YBX1: variants seen among roughly 807,000 people sequenced by gnomAD.
YBX1 encodes the protein Y-box-binding protein 1.
Under a neutral mutation model 41.4 loss-of-function variants are expected in YBX1, and 3 were observed. That is an observed-to-expected ratio of 0.07 (90% CI 0.03 to 0.19). The LOEUF is 0.19. YBX1 is among the 10% of genes least tolerant of loss of function. The pLI is 1.00. For synonymous variants in YBX1, 133 were observed against 165.8 expected (o/e 0.80, Z 1.52); for missense variants, 274 against 462.8 (o/e 0.59, Z 3.74).
At chr1:42,685,645 A>G (rs530451607) in intron 2 of YBX1, among the ~76,000 whole-genome samples, 8 of 152,338 alleles carry the variant, frequency 5.3e-5, no homozygotes, top group Admixed American at 5.2e-4. Flanking sequence ...TGTTTTCTGT[A>G]TAAAGGAGAG....
At chr1:42,691,684 A>G (rs1253304857) in intron 2 of YBX1, among the ~76,000 whole-genome samples, 1 of 152,180 alleles carries the variant, frequency 6.6e-6, no homozygotes, top group East Asian at 1.9e-4. Flanking sequence ...AATTCTCCAC[A>G]GAAGCTGCAT....
At chr1:42,699,691 C>A (rs371868201) in intron 6 of YBX1, among the ~76,000 whole-genome samples, 391 of 151,996 alleles carry the variant, frequency 2.6e-3, no homozygotes, top group African/African-American at 9.0e-3. Context: ...AACTCCTGCC[C>A]TCAAGTGATC....
Position 42,701,047 on chromosome 1 carries a change from GT to G in YBX1, c.*31+2del, listed in dbSNP as rs1451386468. 6.2e-7 allele frequency: 1 copy of G among 1,609,048 alleles called. No individual in the cohort carries two copies. Among genetic ancestry groups the G allele is most frequent in the Non-Finnish European group, 8.5e-7 (1 of 1,175,952 alleles). ...GCTTACCATCTCTACCATCATCCGGGTAAGCAAGCTTGGATGGCCATCCATT... is the reference window on the plus strand; with the variant it reads ...GCTTACCATCTCTACCATCATCCGGGAAGCAAGCTTGGATGGCCATCCATT... On this transcript the variant is annotated splice_donor_variant, in intron 7 of 7. Coordinates refer to ENST00000321358, the MANE Select transcript of YBX1 (RefSeq NM_004559.5). LOFTEE classifies it low-confidence loss of function (3UTR_SPLICE).
intron 2 of YBX1, among the ~76,000 whole-genome samples, chr1:42,689,607 G>A (rs1422007716): frequency 6.6e-6 from 1 of 152,184 alleles, no homozygotes; most frequent in East Asian, 1.9e-4. Flanking sequence ...TAAAAGGAGT[G>A]GGAGGGGGGT....
Position 42,696,513 on chromosome 1 carries a change from C to CA in YBX1, c.355-129_355-128insA. The CA allele has an allele frequency of 3.2e-6, 2 of 624,144 alleles. No individual in the cohort carries two copies. Among genetic ancestry groups the CA allele is most frequent in the South Asian group, 2.7e-5 (1 of 37,496 alleles). 38.7% of individuals were successfully genotyped at this position (624,144 alleles called of 1,614,324 possible). On this transcript the variant is annotated intron_variant, in intron 4 of 7. Transcript: ENST00000321358. The surrounding 1 kb of genome is among the most constrained non-coding windows in gnomAD (Gnocchi z 5.7). ...TGCACCCCTGGTCACGCAGTTGCGC[C>CA]CCCCCCCCCTTTTTTTTCCTTAACT...
At chr1:42,690,845 T>C (rs2148737746) in intron 2 of YBX1, among the ~76,000 whole-genome samples, 1 of 152,360 alleles carries the variant, frequency 6.6e-6, no homozygotes, top group East Asian at 1.9e-4. Context: ...ATATTCCTTA[T>C]TTCTACATCT....
chr1:42,700,044 T>G (rs1650556043), intron 6 of YBX1, among the ~76,000 whole-genome samples: 1 of 152,150 alleles, frequency 6.6e-6, no homozygotes, highest in Non-Finnish European at 1.5e-5. Context: ...GGAGAGTTGA[T>G]TTAGAAGCCA....
intron 1 of YBX1, chr1:42,683,101 C>G (rs1415878507): frequency 1.8e-6 from 1 of 559,682 alleles, no homozygotes; most frequent in Non-Finnish European, 3.3e-6. Flanking sequence ...GAGGGCGCGG[C>G]GCACCGCCTA....
intron 2 of YBX1, among the ~76,000 whole-genome samples, chr1:42,687,941 A>G (rs372730114): frequency 1.3e-5 from 2 of 152,216 alleles, no homozygotes; most frequent in African/African-American, 4.8e-5. Context: ...GCTAAGGGAG[A>G]GATGTCGAAG....
chr1:42,694,830 C>T (rs1650420032), intron 3 of YBX1, among the ~76,000 whole-genome samples: 1 of 152,084 alleles, frequency 6.6e-6, no homozygotes, highest in Non-Finnish European at 1.5e-5. Flanking sequence ...CCTTACTCCC[C>T]TTCTGCATGT....
chr1:42,682,919 GCCTCCCGCGCCCCCTGTGGACCCCGC>G (rs1650076500), intron 1 of YBX1, 188 bp downstream of exon 1: 1 of 163,996 alleles, frequency 6.1e-6, no homozygotes, highest in Non-Finnish European at 1.2e-5. Context: ...CGCGCGCACT[GCCTCCCGCGCCCCCTGTGGACCCCGC>G]GCGGCCGCGC....
At chr1:42,700,712 G>T in intron 6 of YBX1, 69 bp from the exon 7 acceptor site, 1 of 1,430,268 alleles carries the variant, frequency 7.0e-7, no homozygotes, top group Non-Finnish European at 9.5e-7. Flanking sequence ...TGAACCAACT[G>T]GTTACACTGG....
rs746749891 is a variant in YBX1, at chr1:42,683,482, C to G, written c.230+16C>G. ...TCATCAACAGGTGAGCTGCCGGGCT[C>G]TGAAGCCTCCATCCCACCTTCTTGC... On this transcript the variant is annotated intron_variant, in intron 2 of 7. Coordinates refer to ENST00000321358, the MANE Select transcript of YBX1 (RefSeq NM_004559.5). 12 of 1,612,664 alleles carry G rather than the reference C, an allele frequency of 7.4e-6. No homozygotes were observed. In the East Asian group the frequency reaches 2.5e-4, roughly 33 times the overall value.
chr1:42,698,984 A>G (rs1650528151), intron 6 of YBX1, among the ~76,000 whole-genome samples: 1 of 152,186 alleles, frequency 6.6e-6, no homozygotes, highest in Non-Finnish European at 1.5e-5. Context: ...AAATCTTAAG[A>G]CAGAGTATAG....
intron 2 of YBX1, among the ~76,000 whole-genome samples, chr1:42,686,852 A>T (rs1239688616): frequency 6.6e-6 from 1 of 152,224 alleles, no homozygotes; most frequent in Non-Finnish European, 1.5e-5. Context: ...AGCATAGGTG[A>T]TAAGTGGCAG....
chr1:42,684,578 A>G (rs1028867744), intron 2 of YBX1, among the ~76,000 whole-genome samples: 1 of 152,214 alleles, frequency 6.6e-6, no homozygotes, highest in Non-Finnish European at 1.5e-5. Flanking sequence ...TTGTGGAAAC[A>G]CTCAGAGTAA....
chr1:42,687,491 A>G (rs1194880209), intron 2 of YBX1, among the ~76,000 whole-genome samples: 2 of 152,180 alleles, frequency 1.3e-5, no homozygotes, highest in Non-Finnish European at 2.9e-5. Flanking sequence ...CATGTTGGCC[A>G]GGCTGGTCTC....
Position 42,682,450 on chromosome 1 carries a change from AGAGCGGACCCCAGAGAGCCCT to A in YBX1, c.-111_-91del. The A allele has an allele frequency of 8.3e-7, 1 of 1,198,372 alleles. No individual in the cohort carries two copies. The highest frequency in any genetic ancestry group is 1.1e-6 in the Non-Finnish European group (1 of 935,544). The allele number at this position is 1,198,372 out of a possible 1,614,324, so 74.2% of individuals were successfully genotyped here. On this transcript the variant is annotated 5_prime_UTR_variant, in exon 1 of 8. Coordinates refer to ENST00000321358, the MANE Select transcript of YBX1 (RefSeq NM_004559.5). ...CTAGTTCGATCGGTAGCGGGAGCGGAGAGCGGACCCCAGAGAGCCCTGAGCAGCCCCACCGCCGCCGCCGGC... is the reference window on the plus strand; with the variant it reads ...CTAGTTCGATCGGTAGCGGGAGCGGAGAGCAGCCCCACCGCCGCCGCCGGC...
At chr1:42,697,317 C>CTTAATG in intron 6 of YBX1, 55 bp downstream of exon 6, 3 of 1,552,442 alleles carry the variant, frequency 1.9e-6, no homozygotes, top group Non-Finnish European at 2.6e-6. Context: ...CGTGTTAGGA[C>CTTAATG]TCAGCAATAT....
Sources: gnomAD v4.1 joint callset for allele counts (sites outside exome capture counted in the v4.1 genomes callset) on GRCh38, gnomAD v4.1.1 for gene constraint, Gnocchi (gnomAD v3.1) non-coding constraint, MANE v1.5 for transcripts, NCBI Gene and HGNC (gene_info 2026-07-23, HGNC 2026-07-21) for gene names.